The following BBS9 variants were observed in gnomAD, a reference collection of about 807,000 sequenced individuals.
BBS9 encodes the protein protein PTHB1.
A neutral mutation model predicts 117.7 loss-of-function variants in BBS9; 89 were observed. The observed-to-expected ratio is 0.76, with a 90% confidence interval of 0.64 to 0.90. BBS9 has a LOEUF of 0.90. Among genes scored for constraint, BBS9 ranks in the 40% least tolerant of loss-of-function variants. The pLI is 0.00. For missense variants in BBS9, 982 were observed against 1,042.2 expected (o/e 0.94, Z 0.80); for synonymous variants, 379 against 370.9 (o/e 1.02, Z -0.25).
Position 33,146,717 on chromosome 7 carries a change from A to AAG in BBS9, c.112+357_112+358dup, listed in dbSNP as rs1554307669. Among the ~76,000 whole-genome samples the AAG allele has an allele frequency of 5.2e-4, 77 of 148,064 alleles. 3 individuals are homozygous for AAG. Among genetic ancestry groups the AAG allele is most frequent in the East Asian group, 1.4e-3 (7 of 5,028 alleles). On this transcript the variant is annotated intron_variant, in intron 2 of 22. Transcript: ENST00000242067. ...CCATCTCAAAAAAAAAAAAAAAAAA[A>AAG]AGAGATAAAAATGACTTGCTTTTGA...
chr7:33,455,822 A>G (rs1414835343), intron 19 of BBS9, among the ~76,000 whole-genome samples: 1 of 152,246 alleles, frequency 6.6e-6, no homozygotes, highest in Non-Finnish European at 1.5e-5. Context: ...TCTTTTTAAC[A>G]GAGCTGTTAA....
chr7:33,283,825 G>T (rs1034514959), intron 9 of BBS9, among the ~76,000 whole-genome samples: 43 of 152,096 alleles, frequency 2.8e-4, no homozygotes, highest in African/African-American at 1.0e-3. Context: ...GGAGAGTGAT[G>T]ATTAGCTCAG....
chr7:33,456,049 C>T (rs1217955967), intron 19 of BBS9, among the ~76,000 whole-genome samples: 2 of 152,146 alleles, frequency 1.3e-5, no homozygotes, highest in African/African-American at 4.8e-5. Context: ...CGCATGTGCA[C>T]ACACATAAAG....
rs758574273 is a variant in BBS9 at position 33,349,244 on chromosome 7, G to C, written c.1432+74G>C. 2.0e-5 allele frequency: 21 copies of C among 1,034,786 alleles called. No homozygotes were observed. The African/African-American group carries it at 2.4e-4, about 12-fold the overall frequency. 64.1% of individuals were successfully genotyped at this position (1,034,786 alleles called of 1,614,324 possible). A position where few individuals can be genotyped will look rare whatever the true frequency, so the allele number is the denominator to read the frequency against. On this transcript the variant is annotated intron_variant, in intron 13 of 22. Transcript: ENST00000242067. ...AAAATACTAGTTTGTTCATTTAATG[G>C]CTATTATTTCATGTCTGAATGGTGA...
intron 5 of BBS9, among the ~76,000 whole-genome samples, chr7:33,199,879 G>T (rs548788453): frequency 6.6e-6 from 1 of 151,784 alleles, no homozygotes; most frequent in Non-Finnish European, 1.5e-5. Flanking sequence ...CCTTGCAAGA[G>T]CCCAGAAACA....
chr7:33,349,111 C>T lies in BBS9; in HGVS notation c.1373C>T (p.Ser458Leu), dbSNP rs1372563219. ...GTGATATTGCAAAAAGCCAAATTAT[C>T]AGTCTACGTGCAACCACCATTAGAA... is the stretch of plus-strand genomic sequence containing the variant. Reference protein sequence around the residue: ...NRVILQKAKLSVYVQPPLELT... With the variant: ...NRVILQKAKLLVYVQPPLELT... The change falls in exon 13 of 23, where the codon TCA becomes TTA. Residue 458 changes from serine (S) to leucine (L), a missense_variant. By Grantham distance (145) the Ser-to-Leu change is moderately radical. Coordinates refer to ENST00000242067, the MANE Select transcript of BBS9 (RefSeq NM_198428.3). The T allele has an allele frequency of 6.2e-7, 1 of 1,613,380 alleles. No homozygotes were observed. Among genetic ancestry groups the T allele is most frequent in the Non-Finnish European group, 8.5e-7 (1 of 1,179,494 alleles).
chr7:33,291,470 G>C (rs1254567933), intron 9 of BBS9, among the ~76,000 whole-genome samples: 1 of 152,016 alleles, frequency 6.6e-6, no homozygotes, highest in Non-Finnish European at 1.5e-5. Context: ...CTTTCAGCTT[G>C]TATATATTTC....
chr7:33,316,198 A>C (rs939824684), intron 9 of BBS9, among the ~76,000 whole-genome samples: 2 of 152,190 alleles, frequency 1.3e-5, no homozygotes, highest in African/African-American at 4.8e-5. Context: ...AACTTTATGT[A>C]AGTGGGATCA....
At chr7:33,600,456 T>C (rs1373192288) in intron 21 of BBS9, among the ~76,000 whole-genome samples, 1 of 152,158 alleles carries the variant, frequency 6.6e-6, no homozygotes, top group East Asian at 1.9e-4. Context: ...TACAGTGGTA[T>C]AGAAACTTGT....
intron 21 of BBS9, among the ~76,000 whole-genome samples, chr7:33,548,580 G>C (rs976396948): frequency 3.3e-4 from 47 of 141,870 alleles, no homozygotes; most frequent in African/African-American, 1.2e-3. Flanking sequence ...TCCCACCTAT[G>C]AGTGAGAATA....
At chr7:33,182,148 GA>G (rs926432233) in intron 5 of BBS9, among the ~76,000 whole-genome samples, 4 of 150,954 alleles carry the variant, frequency 2.6e-5, no homozygotes, top group African/African-American at 4.9e-5. Flanking sequence ...TAGGCAAAAA[GA>G]AAAAAAAATC....
At chr7:33,359,875 T>G (rs2128692972) in intron 16 of BBS9, among the ~76,000 whole-genome samples, 1 of 152,232 alleles carries the variant, frequency 6.6e-6, no homozygotes, top group African/African-American at 2.4e-5. Flanking sequence ...AATGTGAAAT[T>G]TAGAAAATGT....
intron 4 of BBS9, among the ~76,000 whole-genome samples, chr7:33,169,736 G>A (rs1259661885): frequency 4.6e-5 from 7 of 152,012 alleles, no homozygotes; most frequent in South Asian, 2.1e-4. Flanking sequence ...AGTAGGTTGC[G>A]AAAATTGTCT....
Position 33,405,848 on chromosome 7 carries a change from G to A in BBS9, c.2115+17704G>A, listed in dbSNP as rs575622195. 1.9e-3 allele frequency among the ~76,000 whole-genome samples: 286 copies of A among 152,084 alleles called. 1 individual carries two copies. The highest frequency in any genetic ancestry group is 6.1e-3 in the African/African-American group (255 of 41,490). ...GTTTTTTGTGTCTCTATTTCCTTCAGTTCTGCTCTGATTTTAGTTATTTCT... is the reference window on the plus strand; with the variant it reads ...GTTTTTTGTGTCTCTATTTCCTTCAATTCTGCTCTGATTTTAGTTATTTCT... On this transcript the variant is annotated intron_variant, in intron 19 of 22. Transcript: ENST00000242067.
intron 19 of BBS9, among the ~76,000 whole-genome samples, chr7:33,403,610 C>A (rs1384190564): frequency 2.6e-5 from 4 of 151,496 alleles, no homozygotes; most frequent in Non-Finnish European, 5.9e-5. Flanking sequence ...ATGATGATTT[C>A]CAATTTCATC....
chr7:33,544,055 G>A (rs1852857423), intron 21 of BBS9, among the ~76,000 whole-genome samples: 1 of 151,984 alleles, frequency 6.6e-6, no homozygotes, highest in South Asian at 2.1e-4. Context: ...ATTTTTGATT[G>A]TTTTTTCTTT....
intron 9 of BBS9, among the ~76,000 whole-genome samples, chr7:33,285,787 A>G (rs971468128): frequency 6.6e-6 from 1 of 152,154 alleles, no homozygotes; most frequent in African/African-American, 2.4e-5. Flanking sequence ...TGTAGGAATC[A>G]TTAAATAAAT....
At chr7:33,622,125 G>A (rs910239964) in intron 21 of BBS9, among the ~76,000 whole-genome samples, 2 of 152,098 alleles carry the variant, frequency 1.3e-5, no homozygotes, top group African/African-American at 4.8e-5. Context: ...TAGGAGAATC[G>A]CTTGAGCCCA....
chr7:33,584,960 T>G (rs1008252285), intron 21 of BBS9, among the ~76,000 whole-genome samples: 2 of 152,166 alleles, frequency 1.3e-5, no homozygotes, highest in African/African-American at 4.8e-5. Flanking sequence ...CTCTATGAGC[T>G]CCTTTGAATT....
Sources: allele counts gnomAD v4.1 joint callset (sites outside exome capture counted in the v4.1 genomes callset), GRCh38; gene constraint gnomAD v4.1.1; transcripts MANE v1.5; gene names NCBI Gene and HGNC (gene_info 2026-07-23, HGNC 2026-07-21).